Variants in LAMA2 observed in about 807,000 individuals in gnomAD.
LAMA2 encodes the protein laminin subunit alpha-2.
A neutral mutation model predicts 364.8 loss-of-function variants in LAMA2; 269 were observed. That is an observed-to-expected ratio of 0.74 (90% CI 0.67 to 0.82). The LOEUF is 0.82. Ranked by LOEUF, LAMA2 falls within the 40% of genes least tolerant of loss-of-function variation. The pLI, the probability that LAMA2 is intolerant of heterozygous loss-of-function variation, is 0.00. For missense variants in LAMA2, 3,807 were observed against 3,873.2 expected (o/e 0.98, Z 0.45); for synonymous variants, 1,379 against 1,370.6 (o/e 1.01, Z -0.14).
At chr6:129,305,628 A>T (rs941491054) in intron 22 of LAMA2, among the ~76,000 whole-genome samples, 1 of 151,984 alleles carries the variant, frequency 6.6e-6, no homozygotes, top group African/African-American at 2.4e-5. Flanking sequence ...TGTGTGTGTG[A>T]GAGAGAGACA....
chr6:128,930,143 C>T lies in LAMA2; in HGVS notation c.112+46786C>T, dbSNP rs1377525672. Reference sequence around the variant, plus strand: ...CGCCCGGCAGCTACAGCCACTCTGACGTGCACGGCGGCACTGCGTTTGCTA... The same window carrying T: ...CGCCCGGCAGCTACAGCCACTCTGATGTGCACGGCGGCACTGCGTTTGCTA... On this transcript the variant is annotated intron_variant, in intron 1 of 64. Transcript: ENST00000421865. 3.9e-5 allele frequency among the ~76,000 whole-genome samples: 6 copies of T among 152,324 alleles called. No individual in the cohort carries two copies. In the South Asian group the frequency reaches 1.0e-3, roughly 26 times the overall value.
intron 40 of LAMA2, among the ~76,000 whole-genome samples, chr6:129,419,085 T>G (rs1780941384): frequency 6.6e-6 from 1 of 152,094 alleles, no homozygotes; most frequent in African/African-American, 2.4e-5. Context: ...ATACTCTCAT[T>G]TGGGTCAATA....
chr6:129,374,744 A>T (rs1778277219), intron 34 of LAMA2, among the ~76,000 whole-genome samples: 1 of 137,304 alleles, frequency 7.3e-6, no homozygotes. Flanking sequence ...TGCCCAGCTA[A>T]TTTTTTTTTT....
intron 4 of LAMA2, among the ~76,000 whole-genome samples, chr6:129,105,811 T>C (rs1301314475): frequency 6.6e-6 from 1 of 152,180 alleles, no homozygotes; most frequent in Non-Finnish European, 1.5e-5. Flanking sequence ...GGACGAACTT[T>C]CTAGATGGCA....
chr6:128,972,571 T>C (rs1284035403), intron 1 of LAMA2, among the ~76,000 whole-genome samples: 1 of 152,202 alleles, frequency 6.6e-6, no homozygotes, highest in African/African-American at 2.4e-5. Flanking sequence ...TTTGGAACTA[T>C]GGTTGAATCT....
rs565631177 is a variant in LAMA2 at position 129,350,609 on chromosome 6, C to T, written c.4523+1225C>T. The stretch of plus-strand genomic sequence containing the variant: ...GACTGGGACATCACCTGAAATCATA[C>T]CCTTGATTAGAGCTTTTCTTTTCCA... On this transcript the variant is annotated intron_variant, in intron 31 of 64. Transcript: ENST00000421865. Among the ~76,000 whole-genome samples the T allele has an allele frequency of 9.2e-5, 14 of 152,270 alleles. No homozygotes were observed. The South Asian group carries it at 2.9e-3, about 32-fold the overall frequency.
intron 28 of LAMA2, among the ~76,000 whole-genome samples, chr6:129,325,980 C>A (rs1244481278): frequency 6.6e-6 from 1 of 152,098 alleles, no homozygotes; most frequent in Non-Finnish European, 1.5e-5. Context: ...GTTGGGACTA[C>A]AGACACGCAT....
intron 3 of LAMA2, among the ~76,000 whole-genome samples, chr6:129,079,279 T>A (rs1773875209): frequency 6.6e-6 from 1 of 152,146 alleles, no homozygotes; most frequent in South Asian, 2.1e-4. Context: ...TATTAGTTAT[T>A]GTTGTTAAAT....
At chr6:129,329,836 C>G (rs2114536536) in intron 29 of LAMA2, among the ~76,000 whole-genome samples, 1 of 152,312 alleles carries the variant, frequency 6.6e-6, no homozygotes, top group South Asian at 2.1e-4. Context: ...CCAGACCACA[C>G]AGCAGGAGGC....
intron 1 of LAMA2, among the ~76,000 whole-genome samples, chr6:128,887,206 G>A (rs1351985472): frequency 2.0e-5 from 3 of 152,130 alleles, no homozygotes; most frequent in African/African-American, 2.4e-5. Context: ...GTTATAACAC[G>A]CAAGAATACT....
chr6:129,345,435 T>C (rs972107847), intron 30 of LAMA2, among the ~76,000 whole-genome samples: 11 of 152,162 alleles, frequency 7.2e-5, no homozygotes, highest in African/African-American at 2.7e-4. Context: ...TTTTAAGAAA[T>C]TTCAAGAATA....
At chr6:129,150,812 A>T (rs1188100440) in intron 7 of LAMA2, among the ~76,000 whole-genome samples, 1 of 152,166 alleles carries the variant, frequency 6.6e-6, no homozygotes, top group African/African-American at 2.4e-5. Context: ...AAGCTTAAGT[A>T]AAAATTTTCT....
intron 1 of LAMA2, among the ~76,000 whole-genome samples, chr6:128,958,415 T>C (rs1303851731): frequency 6.6e-6 from 1 of 152,126 alleles, no homozygotes; most frequent in Admixed American, 6.5e-5. Flanking sequence ...GTGTTTATTA[T>C]ATTATGAAGA....
intron 18 of LAMA2, among the ~76,000 whole-genome samples, chr6:129,281,000 C>T (rs1788679167): frequency 2.0e-5 from 3 of 152,082 alleles, no homozygotes; most frequent in Non-Finnish European, 4.4e-5. Flanking sequence ...CCTGTTTCAA[C>T]CAGGATGCAT....
chr6:129,004,508 T>A (rs1008808573), intron 1 of LAMA2, among the ~76,000 whole-genome samples: 1 of 152,052 alleles, frequency 6.6e-6, no homozygotes, highest in Non-Finnish European at 1.5e-5. Context: ...CTATATGTAC[T>A]TCTGGGAAAT....
chr6:129,239,174 T>C (rs774464243), intron 12 of LAMA2, among the ~76,000 whole-genome samples: 2 of 152,202 alleles, frequency 1.3e-5, no homozygotes, highest in Admixed American at 6.5e-5. Flanking sequence ...GTTACTGTTA[T>C]ATTGTTTTGA....
intron 46 of LAMA2, 125 bp from the exon 47 acceptor site, chr6:129,454,030 T>A: frequency 1.7e-6 from 1 of 590,314 alleles, no homozygotes; most frequent in East Asian, 3.0e-5. Context: ...TGACAAGTAT[T>A]ATCATGAAGC....
At chr6:129,137,322 A>T (rs781414838) in intron 4 of LAMA2, among the ~76,000 whole-genome samples, 27 of 152,180 alleles carry the variant, frequency 1.8e-4, no homozygotes, top group Admixed American at 3.9e-4. Context: ...CTGCATGAAA[A>T]TGAGGACTTT....
chr6:129,463,366 C>G (rs1190112469), intron 49 of LAMA2, among the ~76,000 whole-genome samples: 2 of 151,892 alleles, frequency 1.3e-5, no homozygotes, highest in Non-Finnish European at 2.9e-5. Context: ...TATTATTTCT[C>G]ATCCCATAGT....
Sources: gnomAD v4.1 joint callset for allele counts (sites outside exome capture counted in the v4.1 genomes callset) on GRCh38, gnomAD v4.1.1 for gene constraint, MANE v1.5 for transcripts, NCBI Gene and HGNC (gene_info 2026-07-23, HGNC 2026-07-21) for gene names.